DPP6: variants seen among roughly 807,000 people sequenced by gnomAD.
The protein encoded by DPP6 is A-type potassium channel modulatory protein DPP6.
A neutral mutation model predicts 122.6 loss-of-function variants in DPP6; 69 were observed. The observed-to-expected ratio is 0.56, with a 90% CI of 0.46 to 0.69. The LOEUF is 0.69. DPP6 is among the 30% of genes least tolerant of loss of function. The pLI, the probability that DPP6 is intolerant of heterozygous loss-of-function variation, is 0.00. For missense variants in DPP6, 928 were observed against 1,116.9 expected, an observed-to-expected ratio of 0.83 and a Z score of 2.41; for synonymous variants, 418 against 433.1, an observed-to-expected ratio of 0.97 and a Z score of 0.43.
chr7:154,500,647 C>A (rs1286535088), intron 3 of DPP6, among the ~76,000 whole-genome samples: 1 of 152,192 alleles, frequency 6.6e-6, no homozygotes, highest in South Asian at 2.1e-4. Flanking sequence ...TTACCTTCCA[C>A]CAGGATTGTG....
the DPP6 span, among the ~76,000 whole-genome samples, chr7:153,867,588 A>G: frequency 6.6e-6 from 1 of 152,236 alleles, no homozygotes; most frequent in South Asian, 2.1e-4. Context: ...CAATCATGTC[A>G]TTTGCAAACA....
chr7:154,442,234 G>C lies in DPP6; in HGVS notation c.244-3980G>C, dbSNP rs187318163. Among the ~76,000 whole-genome samples, 12 of 152,188 alleles carry C rather than the reference G, an allele frequency of 7.9e-5. No homozygotes were observed. In the East Asian group the frequency reaches 2.1e-3, roughly 27 times the overall value. On this transcript the variant is annotated intron_variant, in intron 1 of 25. Coordinates refer to ENST00000377770, the MANE Select transcript of DPP6 (RefSeq NM_130797.4). ...AGACGTTGAACACAGTAAGGTAACT[G>C]TGTCCTTAAGTAGTTTGCCCCCCTG...
At chr7:154,529,344 A>G (rs1827659533) in intron 3 of DPP6, among the ~76,000 whole-genome samples, 5 of 152,204 alleles carry the variant, frequency 3.3e-5, no homozygotes, top group Admixed American at 2.6e-4. Context: ...TTCACTAACA[A>G]CACTAACAAC....
intron 5 of DPP6, among the ~76,000 whole-genome samples, chr7:154,599,073 C>T (rs982076889): frequency 5.9e-5 from 9 of 152,078 alleles, no homozygotes; most frequent in African/African-American, 1.2e-4. Context: ...CTTCTAAGGG[C>T]GATACATTTT....
rs1437268504 is a variant in DPP6 at position 154,371,445 on chromosome 7, G to A, written c.244-74769G>A. On this transcript the variant is annotated intron_variant, in intron 1 of 25. Transcript: ENST00000377770. ...AGACAGAAAAAACAAACAAAAAAAT[G>A]TTGCAGTGAAAAAATATCACCTCCT... 5.6e-5 allele frequency among the ~76,000 whole-genome samples: 8 copies of A among 143,730 alleles called. No homozygotes were observed. In the East Asian group the frequency reaches 1.3e-3, roughly 24 times the overall value. The allele number at this position is 143,730 out of a possible 152,430, so 94.3% of individuals were successfully genotyped here.
At chr7:154,034,132 T>A (rs1238056095) in intron 1 of DPP6, among the ~76,000 whole-genome samples, 2 of 152,174 alleles carry the variant, frequency 1.3e-5, no homozygotes, top group Admixed American at 6.5e-5. Context: ...ACACATATTT[T>A]TCTACACAAC....
At chr7:154,382,593 C>T (rs7804042) in intron 1 of DPP6, among the ~76,000 whole-genome samples, 16 of 152,206 alleles carry the variant, frequency 1.1e-4, no homozygotes, top group Middle Eastern at 3.4e-3. Flanking sequence ...CTCTGTGCTG[C>T]GCTCAGCGCT....
intron 1 of DPP6, among the ~76,000 whole-genome samples, chr7:154,063,859 C>T (rs1802484481): frequency 6.6e-6 from 1 of 151,186 alleles, no homozygotes; most frequent in South Asian, 2.1e-4. Context: ...CTGCATGAAA[C>T]CCTAATAAAA....
chr7:154,670,848 T>A (rs1406689401), intron 7 of DPP6, among the ~76,000 whole-genome samples: 2 of 152,238 alleles, frequency 1.3e-5, no homozygotes, highest in Non-Finnish European at 2.9e-5. Flanking sequence ...TGCCTTGAAT[T>A]GGTTTGAAAA....
chr7:154,066,043 GT>G (rs1272775473), intron 1 of DPP6, among the ~76,000 whole-genome samples: 3,199 of 119,478 alleles, frequency 0.027, 85 homozygotes, highest in African/African-American at 0.086. Context: ...GTTCAGATTT[GT>G]TTTTTTTTTT....
chr7:154,637,460 ACTGACCCGTTGGGTCTAG>A (rs1835798525), intron 5 of DPP6, among the ~76,000 whole-genome samples: 1 of 152,144 alleles, frequency 6.6e-6, no homozygotes, highest in Admixed American at 6.5e-5. Context: ...CATGGGTCTT[ACTGACCCGTTGGGTCTAG>A]CTGACGGTGC....
At chr7:154,652,441 G>A in intron 6 of DPP6, among the ~76,000 whole-genome samples, 1 of 149,062 alleles carries the variant, frequency 6.7e-6, no homozygotes, top group East Asian at 2.0e-4. Flanking sequence ...TACACACTTA[G>A]ATTGGTTTAA....
At chr7:154,012,538 TG>T (rs1488711754) in intron 1 of DPP6, among the ~76,000 whole-genome samples, 1 of 152,146 alleles carries the variant, frequency 6.6e-6, no homozygotes, top group African/African-American at 2.4e-5. Context: ...ATTCATAGAA[TG>T]GGAGAACACT....
intron 12 of DPP6, among the ~76,000 whole-genome samples, chr7:154,799,282 C>A (rs1034864719): frequency 3.9e-5 from 6 of 152,158 alleles, no homozygotes; most frequent in African/African-American, 1.4e-4. Flanking sequence ...CGCAGAGATT[C>A]CCCATGAGCC....
At chr7:154,082,328 C>T (rs974009511) in intron 1 of DPP6, among the ~76,000 whole-genome samples, 3 of 152,118 alleles carry the variant, frequency 2.0e-5, no homozygotes, top group African/African-American at 4.8e-5. Flanking sequence ...TTGTTATTCT[C>T]CATACATCCT....
chr7:154,388,644 C>T (rs1990557), intron 1 of DPP6, among the ~76,000 whole-genome samples: 105,402 of 151,900 alleles, frequency 0.69, 37,730 homozygotes, highest in South Asian at 0.79. Context: ...CCAGCGTGCT[C>T]TGGCTGCCTG....
intron 5 of DPP6, among the ~76,000 whole-genome samples, chr7:154,619,322 T>C (rs2130843928): frequency 6.6e-6 from 1 of 152,358 alleles, no homozygotes; most frequent in African/African-American, 2.4e-5. Context: ...AACGTAAGCC[T>C]CGTAGCGTTA....
At chr7:154,343,344 G>A (rs1810092408) in intron 1 of DPP6, among the ~76,000 whole-genome samples, 1 of 152,218 alleles carries the variant, frequency 6.6e-6, no homozygotes, top group Admixed American at 6.5e-5. Context: ...TGTCTCCAAG[G>A]GGCATCTCAC....
chr7:154,882,426 T>C (rs1805461648), intron 21 of DPP6, among the ~76,000 whole-genome samples: 1 of 152,244 alleles, frequency 6.6e-6, no homozygotes. Context: ...TAGAGGTCCG[T>C]AGACCCCACA....
Sources: allele counts gnomAD v4.1 joint callset (sites outside exome capture counted in the v4.1 genomes callset), GRCh38; gene constraint gnomAD v4.1.1; transcripts MANE v1.5; gene names NCBI Gene and HGNC (gene_info 2026-07-23, HGNC 2026-07-21).